Variants in USP25 observed in about 807,000 individuals in gnomAD.
USP25 encodes the protein ubiquitin specific peptidase 25, also known as ubiquitin carboxyl-terminal hydrolase 25.
Under a neutral mutation model 158.5 loss-of-function variants are expected in USP25, and 85 were observed. That is an observed-to-expected ratio of 0.54 (90% CI 0.45 to 0.64). USP25 has a LOEUF of 0.64. USP25 is among the 30% of genes least tolerant of loss of function. The pLI, the probability that USP25 is intolerant of heterozygous loss-of-function variation, is 0.00. For synonymous variants in USP25, 464 were observed against 460.4 expected (o/e 1.01, Z -0.10); for missense variants, 1,242 against 1,327.3 (o/e 0.94, Z 1.00).
At chr21:15,811,274 G>A (rs888091638) in intron 9 of USP25, 64 bp downstream of exon 9, 15 of 1,418,584 alleles carry the variant, frequency 1.1e-5, no homozygotes, top group African/African-American at 2.9e-5. Context: ...CATTCGTCTC[G>A]ATAGTTACTA....
At position 15,791,075 on chromosome 21, in the gene USP25, C is replaced by T. The variant is rs528952011; in HGVS notation, c.393-427C>T. On this transcript the variant is annotated intron_variant, in intron 4 of 25. Transcript: ENST00000400183. ...TTTTGTAGAAGAAGAACTAAGTGGT[C>T]GGTGATAAAAGTGCAACTTGTTCAG... Among the ~76,000 whole-genome samples the T allele has an allele frequency of 1.2e-4, 18 of 151,622 alleles. 1 individual carries two copies. The South Asian group carries it at 2.3e-3, about 19-fold the overall frequency.
intron 1 of USP25, among the ~76,000 whole-genome samples, chr21:15,758,755 A>C (rs1411243560): frequency 6.6e-6 from 1 of 151,954 alleles, no homozygotes; most frequent in African/African-American, 2.4e-5. Flanking sequence ...TGCATCTTAC[A>C]TGGTGGCAGG....
At position 15,878,610 on chromosome 21, in the gene USP25, A is replaced by C; in HGVS notation, c.*135A>C. ...TTTAATAACTGCAAAAGACAAAATGACTATACAGACTTTAGTCAGACTGCA... is the reference window on the plus strand; with the variant it reads ...TTTAATAACTGCAAAAGACAAAATGCCTATACAGACTTTAGTCAGACTGCA... On this transcript the variant is annotated 3_prime_UTR_variant, in exon 26 of 26. Coordinates refer to ENST00000400183, the MANE Select transcript of USP25 (RefSeq NM_001283041.3). 2.2e-6 allele frequency: 2 copies of C among 924,360 alleles called. No homozygotes were observed. The highest frequency in any genetic ancestry group is 2.6e-5 in the South Asian group (1 of 38,362). 57.3% of individuals were successfully genotyped at this position (924,360 alleles called of 1,614,324 possible).
At chr21:15,830,628 A>G (rs972045055) in intron 15 of USP25, 27 bp downstream of exon 15, 13 of 1,474,668 alleles carry the variant, frequency 8.8e-6, no homozygotes, top group Non-Finnish European at 1.2e-5. Context: ...GCTAGTAATC[A>G]TTGTCAAAAT....
intron 2 of USP25, among the ~76,000 whole-genome samples, chr21:15,765,051 T>A (rs1464642246): frequency 6.6e-6 from 1 of 152,058 alleles, no homozygotes; most frequent in Non-Finnish European, 1.5e-5. Flanking sequence ...GAGTAAACTT[T>A]TTAAAATGTA....
intron 4 of USP25, among the ~76,000 whole-genome samples, chr21:15,780,590 TTCAAGAAG>T (rs2034909314): frequency 6.6e-6 from 1 of 152,208 alleles, no homozygotes; most frequent in Admixed American, 6.5e-5. Context: ...CTTCAACAAT[TTCAAGAAG>T]TAGTAGACTA....
In USP25 at chr21:15,831,555, CTT is replaced by C; in HGVS notation, c.1922_1923del (p.Phe641TrpfsTer4). ...TCATGGGAAGAGCTAGTGAGGGACT[CTT>C]TTGGTGGTTATAGAAATGCCAGTGC... On this transcript the variant is annotated frameshift_variant, in exon 16 of 26. Transcript: ENST00000400183. LOFTEE classifies it high-confidence loss of function. The C allele has an allele frequency of 6.2e-7, 1 of 1,613,928 alleles. No individual in the cohort carries two copies. The highest frequency in any genetic ancestry group is 8.5e-7 in the Non-Finnish European group (1 of 1,179,940).
chr21:15,775,739 A>ACCGCCCCCCCCCCCCCCCCC (rs1306338460), intron 3 of USP25, among the ~76,000 whole-genome samples: 2 of 14,052 alleles, frequency 1.4e-4, no homozygotes, highest in African/African-American at 6.1e-4. Context: ...AATGGTTGCC[A>ACCGCCCCCCCCCCCCCCCCC]CCCCCCCCCC....
intron 20 of USP25, among the ~76,000 whole-genome samples, chr21:15,855,669 A>G (rs1447641542): frequency 6.6e-6 from 1 of 152,172 alleles, no homozygotes; most frequent in Non-Finnish European, 1.5e-5. Flanking sequence ...CACATCTTTC[A>G]AGTCAGTTAC....
chr21:15,812,934 A>G (rs897798837), intron 9 of USP25, among the ~76,000 whole-genome samples: 5 of 151,982 alleles, frequency 3.3e-5, no homozygotes, highest in African/African-American at 1.2e-4. Context: ...ACTTTTTGAG[A>G]ACTTCTAGTT....
chr21:15,846,142 A>G (rs2038584396), intron 18 of USP25, among the ~76,000 whole-genome samples: 1 of 56,022 alleles, frequency 1.8e-5, no homozygotes, highest in African/African-American at 1.0e-4. Context: ...ATATATATAT[A>G]TATATATATA....
At position 15,738,309 on chromosome 21, in the gene USP25, A is replaced by G. The variant is rs543380435; in HGVS notation, c.45+7871A>G. Among the ~76,000 whole-genome samples, 5 of 152,270 alleles carry G rather than the reference A, an allele frequency of 3.3e-5. No homozygotes were observed. The South Asian group carries it at 6.2e-4, about 19-fold the overall frequency. ...TTGACTTTTCCTTAGAAATTTTAGA[A>G]TGATCATACCAAGCTCTCTCAAATC... On this transcript the variant is annotated intron_variant, in intron 1 of 25. Transcript: ENST00000400183.
intron 21 of USP25, 44 bp from the exon 22 acceptor site, chr21:15,866,222 C>A: frequency 2.9e-6 from 3 of 1,048,720 alleles, no homozygotes; most frequent in Non-Finnish European, 4.0e-6. Context: ...TATATATATA[C>A]ACACACATAC....
chr21:15,840,871 C>G (rs1652289214), intron 17 of USP25, among the ~76,000 whole-genome samples: 2 of 152,136 alleles, frequency 1.3e-5, no homozygotes, highest in Non-Finnish European at 2.9e-5. Context: ...AGGAAGAGTG[C>G]CAAACACAAG....
intron 6 of USP25, among the ~76,000 whole-genome samples, chr21:15,801,741 A>G (rs923580945): frequency 6.6e-6 from 1 of 151,610 alleles, no homozygotes; most frequent in African/African-American, 2.4e-5. Context: ...TGCAGAATAC[A>G]TTTGGGATTA....
rs1444552457 is a variant in USP25 at position 15,875,832 on chromosome 21, C to T, written c.3009+1306C>T. On this transcript the variant is annotated intron_variant, in intron 24 of 25. Transcript: ENST00000400183. This position sits in a 1 kb window ranked among gnomAD's most constrained non-coding sequence, Gnocchi z 4.7. ...AGATGACATTCAAATGAGTTTGCAC[C>T]AGTGTAAGTTTGATTAGGTTTGGCA... is the stretch of plus-strand genomic sequence containing the variant. Among the ~76,000 whole-genome samples the T allele has an allele frequency of 6.6e-6, 1 of 152,100 alleles. No individual in the cohort carries two copies. The highest frequency in any genetic ancestry group is 2.4e-5 in the African/African-American group (1 of 41,404).
At chr21:15,730,538 C>T (rs2030705196) in intron 1 of USP25, 100 bp downstream of exon 1, 1 of 1,234,598 alleles carries the variant, frequency 8.1e-7, no homozygotes, top group African/African-American at 1.6e-5. Context: ...CGCCGCCTTC[C>T]CGGGCTTCCT....
At chr21:15,838,265 A>G (rs1309109143) in intron 17 of USP25, among the ~76,000 whole-genome samples, 1 of 151,912 alleles carries the variant, frequency 6.6e-6, no homozygotes, top group Non-Finnish European at 1.5e-5. Context: ...AGCATCTAGT[A>G]TAATAAACGA....
At chr21:15,738,010 G>A (rs1023084029) in intron 1 of USP25, among the ~76,000 whole-genome samples, 15 of 151,998 alleles carry the variant, frequency 9.9e-5, no homozygotes, top group Non-Finnish European at 2.1e-4. Flanking sequence ...CTTATTTCTG[G>A]CTTGGAGTTT....
Sources: gnomAD v4.1 joint callset for allele counts (sites outside exome capture counted in the v4.1 genomes callset) on GRCh38, gnomAD v4.1.1 for gene constraint, Gnocchi (gnomAD v3.1) non-coding constraint, MANE v1.5 for transcripts, NCBI Gene and HGNC (gene_info 2026-07-23, HGNC 2026-07-21) for gene names.